HTR1F: variants seen among roughly 807,000 people sequenced by gnomAD.
HTR1F encodes the protein 5-hydroxytryptamine (serotonin) receptor 1F, G protein-coupled.
In HTR1F, 17 loss-of-function variants were observed where a neutral mutation model predicts 24.0. The ratio of observed to expected loss-of-function variants is 0.71; its 90% CI spans 0.48 to 1.06. HTR1F has a LOEUF of 1.06. Ranked by LOEUF, HTR1F falls within the 50% of genes least tolerant of loss-of-function variation. The pLI is 0.00. For missense variants in HTR1F, 391 were observed against 427.8 expected, an observed-to-expected ratio of 0.91 and a Z score of 0.76; for synonymous variants, 186 against 156.8, an observed-to-expected ratio of 1.19 and a Z score of -1.39.
At chr3:87,837,142 C>CT (rs1559599904) in intron 2 of HTR1F, among the ~76,000 whole-genome samples, 1 of 151,580 alleles carries the variant, frequency 6.6e-6, no homozygotes, top group Admixed American at 6.6e-5. Flanking sequence ...ATTAAATAGG[C>CT]TTTTTTTTAG....
In HTR1F at chr3:87,979,406, G is replaced by A. The variant is rs145683737; in HGVS notation, c.-42-11302G>A. On this transcript the variant is annotated intron_variant, in intron 2 of 2. Transcript: ENST00000319595. The stretch of plus-strand genomic sequence containing the variant: ...GGCAAGCCTGTCCTCTGTGTCCTAA[G>A]TCCGGCAGCCACGATAGTCATTTCT... Among the ~76,000 whole-genome samples the A allele has an allele frequency of 7.4e-4, 113 of 152,242 alleles. No individual in the cohort carries two copies. The East Asian group carries it at 0.016, about 21-fold the overall frequency.
At chr3:87,931,366 A>G (rs914500607) in intron 2 of HTR1F, among the ~76,000 whole-genome samples, 30 of 152,166 alleles carry the variant, frequency 2.0e-4, no homozygotes, top group African/African-American at 7.2e-4. Context: ...TGTCCCTACA[A>G]AGGACGTGAA....
At chr3:87,901,207 G>T (rs1401539542) in intron 2 of HTR1F, among the ~76,000 whole-genome samples, 1 of 152,072 alleles carries the variant, frequency 6.6e-6, no homozygotes, top group African/African-American at 2.4e-5. Context: ...TTGAAATTAT[G>T]GCAAGAAACC....
intron 2 of HTR1F, among the ~76,000 whole-genome samples, chr3:87,978,919 AGG>A (rs1392280592): frequency 8.9e-5 from 10 of 112,408 alleles, no homozygotes; most frequent in Admixed American, 3.6e-4. Context: ...GAAGGAAGGA[AGG>A]AAGGAAGGAA....
chr3:87,938,450 T>C (rs1265334588), intron 2 of HTR1F, among the ~76,000 whole-genome samples: 1 of 152,144 alleles, frequency 6.6e-6, no homozygotes, highest in Non-Finnish European at 1.5e-5. Context: ...TTAAAATTCA[T>C]ATGGAGCCTA....
intron 1 of HTR1F, among the ~76,000 whole-genome samples, chr3:87,816,602 A>G (rs547738659): frequency 6.6e-6 from 1 of 152,162 alleles, no homozygotes; most frequent in South Asian, 2.1e-4. Flanking sequence ...GTCTGCAGAA[A>G]TTGCTATTTA....
intron 2 of HTR1F, among the ~76,000 whole-genome samples, chr3:87,845,516 C>T (rs1279807584): frequency 6.7e-6 from 1 of 149,228 alleles, no homozygotes; most frequent in African/African-American, 2.5e-5. Context: ...CCTAGGAATC[C>T]AACTTACAAG....
chr3:87,881,666 G>A (rs1045448949), intron 2 of HTR1F, among the ~76,000 whole-genome samples: 1 of 152,188 alleles, frequency 6.6e-6, no homozygotes, highest in Non-Finnish European at 1.5e-5. Flanking sequence ...TATGTAAAAG[G>A]CTGAAAGTGG....
intron 2 of HTR1F, among the ~76,000 whole-genome samples, chr3:87,902,847 T>C (rs970127737): frequency 1.3e-5 from 2 of 149,314 alleles, no homozygotes; most frequent in Non-Finnish European, 3.0e-5. Flanking sequence ...GAATATGCGG[T>C]GTTTGGTTTT....
intron 2 of HTR1F, among the ~76,000 whole-genome samples, chr3:87,950,623 A>G (rs946614148): frequency 2.0e-5 from 3 of 152,184 alleles, no homozygotes; most frequent in Non-Finnish European, 4.4e-5. Context: ...CCTGAGAATA[A>G]AAAGAATGAT....
At chr3:87,811,087 A>G (rs1406196677) in intron 1 of HTR1F, among the ~76,000 whole-genome samples, 1 of 152,224 alleles carries the variant, frequency 6.6e-6, no homozygotes, top group Non-Finnish European at 1.5e-5. Flanking sequence ...TTCTTCCCTT[A>G]GTTCAGAAAG....
At chr3:87,912,304 G>A (rs921796954) in intron 2 of HTR1F, among the ~76,000 whole-genome samples, 9 of 151,618 alleles carry the variant, frequency 5.9e-5, no homozygotes, top group Non-Finnish European at 1.2e-4. Context: ...AAATCAGGAA[G>A]GCAGTCTCAT....
At chr3:87,882,407 CAT>C (rs767549134) in intron 2 of HTR1F, among the ~76,000 whole-genome samples, 1 of 152,074 alleles carries the variant, frequency 6.6e-6, no homozygotes, top group Non-Finnish European at 1.5e-5. Flanking sequence ...CATATGCACA[CAT>C]ATGTTTATTG....
At chr3:87,902,144 C>A (rs1206679011) in intron 2 of HTR1F, among the ~76,000 whole-genome samples, 1 of 151,856 alleles carries the variant, frequency 6.6e-6, no homozygotes, top group Non-Finnish European at 1.5e-5. Context: ...CAATAAAAAC[C>A]AGACATCTTA....
At chr3:87,939,769 TCTG>T (rs1484182616) in intron 2 of HTR1F, among the ~76,000 whole-genome samples, 1 of 152,228 alleles carries the variant, frequency 6.6e-6, no homozygotes, top group Non-Finnish European at 1.5e-5. Context: ...TCTTGATTAG[TCTG>T]CTAACAGTCT....
intron 2 of HTR1F, among the ~76,000 whole-genome samples, chr3:87,853,286 AT>A (rs756903088): frequency 2.6e-5 from 4 of 151,914 alleles, no homozygotes; most frequent in Non-Finnish European, 5.9e-5. Flanking sequence ...TGTTCTCATC[AT>A]TTAGCTCCCA....
intron 2 of HTR1F, among the ~76,000 whole-genome samples, chr3:87,868,060 ATGCACTACTAACAGT>A (rs1705466803): frequency 6.6e-6 from 1 of 152,038 alleles, no homozygotes; most frequent in Non-Finnish European, 1.5e-5. Context: ...TTATTTCTTA[ATGCACTACTAACAGT>A]TGTCTCTCTC....
chr3:87,835,401 C>T (rs1396426568), intron 2 of HTR1F, among the ~76,000 whole-genome samples: 1 of 151,912 alleles, frequency 6.6e-6, no homozygotes, highest in East Asian at 1.9e-4. Context: ...AAACCCCAAT[C>T]GGGGGACTTT....
Position 87,792,847 on chromosome 3 carries a change from G to A in HTR1F, c.-160+5G>A, listed in dbSNP as rs1305000215. The stretch of plus-strand genomic sequence containing the variant: ...CTGCTGCAGGGAGCGCCAGGGGTGA[G>A]TGTGCGGATCAGCGCTGAGCCCGGG... On this transcript the variant is annotated splice_donor_5th_base_variant and intron_variant, in intron 1 of 2. Transcript: ENST00000319595. 2.6e-5 allele frequency among the ~76,000 whole-genome samples: 4 copies of A among 152,232 alleles called. No homozygotes were observed. The highest frequency in any genetic ancestry group is 4.8e-5 in the African/African-American group (2 of 41,466).
Sources: allele counts gnomAD v4.1 joint callset (sites outside exome capture counted in the v4.1 genomes callset), GRCh38; gene constraint gnomAD v4.1.1; transcripts MANE v1.5; gene names NCBI Gene and HGNC (gene_info 2026-07-23, HGNC 2026-07-21).